SOX6: variants seen among roughly 807,000 people sequenced by gnomAD.
The protein encoded by SOX6 is SRY-box transcription factor 6.
Under a neutral mutation model 97.8 loss-of-function variants are expected in SOX6, and 11 were observed. The ratio of observed to expected loss-of-function variants is 0.11; its 90% CI spans 0.07 to 0.19. The LOEUF (loss-of-function observed/expected upper bound fraction) is 0.19. SOX6 is among the 10% of genes least tolerant of loss of function. SOX6 has a pLI of 1.00. For synonymous variants in SOX6, 360 were observed against 371.4 expected (o/e 0.97, Z 0.35); for missense variants, 810 against 1,039.5 (o/e 0.78, Z 3.04).
chr11:16,032,424 A>G (rs1474185106), intron 12 of SOX6, among the ~76,000 whole-genome samples: 2 of 152,220 alleles, frequency 1.3e-5, no homozygotes, highest in Non-Finnish European at 1.5e-5. Flanking sequence ...ATGCCTATAA[A>G]TTATGTTAAT....
rs114117173 is a variant in SOX6 at position 16,623,806 on chromosome 11, T to A, written n.430-11546A>T. Among the ~76,000 whole-genome samples the A allele has an allele frequency of 6.9e-3, 1,046 of 152,326 alleles. 15 individuals carry two copies. The highest frequency in any genetic ancestry group is 0.023 in the African/African-American group (952 of 41,570). On this transcript the variant is annotated intron_variant and non_coding_transcript_variant, in intron 3 of 5. Coordinates refer to the SOX6 transcript ENST00000524520. ...GCTTGCCAGTTATCCCAGCACCAAT[T>A]GTTGACTTGCCACCACTATCTATAT... is the stretch of plus-strand genomic sequence containing the variant.
At chr11:16,062,221 A>G (rs549568973) in intron 9 of SOX6, among the ~76,000 whole-genome samples, 1 of 151,740 alleles carries the variant, frequency 6.6e-6, no homozygotes, top group African/African-American at 2.4e-5. Context: ...CTAGTTATTA[A>G]CACAGATAGT....
chr11:16,290,208 G>C (rs1407536859), intron 3 of SOX6, among the ~76,000 whole-genome samples: 1 of 151,686 alleles, frequency 6.6e-6, no homozygotes, highest in East Asian at 1.9e-4. Flanking sequence ...AGCACAATAA[G>C]AGCACTAAAA....
At chr11:16,214,957 T>A (rs35547484) in intron 4 of SOX6, among the ~76,000 whole-genome samples, 31,074 of 151,904 alleles carry the variant, frequency 0.2, 3,832 homozygotes, top group Admixed American at 0.31. Context: ...ACCATGTTGA[T>A]CCGGCTGGCC....
rs1848327850 is a variant in SOX6 at position 16,605,805 on chromosome 11, T to A, written n.609+6276A>T. ...CGACCTCCCGCACCCAGAGCCTGGG[T>A]GACACTGAAGCGCTCCGAACACTGT... is the stretch of plus-strand genomic sequence containing the variant. On this transcript the variant is annotated intron_variant and non_coding_transcript_variant, in intron 4 of 5. Transcript: ENST00000524520. The surrounding 1 kb of genome is among the most constrained non-coding windows in gnomAD (Gnocchi z 5.3). 6.6e-6 allele frequency: 1 copy of A among 152,082 alleles called. No homozygotes were observed. The highest frequency in any genetic ancestry group is 1.5e-5 in the Non-Finnish European group (1 of 68,028). 9.4% of individuals were successfully genotyped at this position (152,082 alleles called of 1,614,324 possible).
At position 16,081,150 on chromosome 11, in the gene SOX6, A is replaced by C. The variant is rs1279677463; in HGVS notation, c.1101+14846T>G. Among the ~76,000 whole-genome samples, 3 of 152,116 alleles carry C rather than the reference A, an allele frequency of 2.0e-5. No individual in the cohort carries two copies. In the East Asian group the frequency reaches 5.8e-4, roughly 29 times the overall value. ...AGAATTCACACCAGTCCCTGCAATG[A>C]GGAAGCGTTTGGGCTAATGGAGTTT... On this transcript the variant is annotated intron_variant, in intron 9 of 15. Transcript: ENST00000683767.
chr11:16,325,121 G>A (rs297351), intron 2 of SOX6, among the ~76,000 whole-genome samples: 1 of 151,840 alleles, frequency 6.6e-6, no homozygotes, highest in African/African-American at 2.4e-5. Context: ...TGAAGTTCTC[G>A]ATATTTTGTA....
intron 4 of SOX6, among the ~76,000 whole-genome samples, chr11:16,599,975 G>A (rs535555141): frequency 2.6e-5 from 4 of 152,318 alleles, no homozygotes; most frequent in East Asian, 1.9e-4. Flanking sequence ...AAGCCATAAT[G>A]AGGGGGTAGC....
chr11:16,079,404 C>G (rs1359089350), intron 9 of SOX6, among the ~76,000 whole-genome samples: 1 of 152,066 alleles, frequency 6.6e-6, no homozygotes, highest in Non-Finnish European at 1.5e-5. Flanking sequence ...ACAAATATTA[C>G]TAGTTGGAAA....
intron 4 of SOX6, among the ~76,000 whole-genome samples, chr11:16,581,072 T>C (rs1204835535): frequency 6.6e-6 from 1 of 151,876 alleles, no homozygotes; most frequent in Non-Finnish European, 1.5e-5. Context: ...GAAATACCAT[T>C]TGACCCAACA....
At chr11:15,979,886 C>T (rs2119816200) in intron 15 of SOX6, among the ~76,000 whole-genome samples, 1 of 152,198 alleles carries the variant, frequency 6.6e-6, no homozygotes, top group East Asian at 1.9e-4. Flanking sequence ...AGGCACCTCT[C>T]ACTATTATTT....
At chr11:15,989,981 G>A (rs1323525094) in intron 13 of SOX6, among the ~76,000 whole-genome samples, 1 of 152,036 alleles carries the variant, frequency 6.6e-6, no homozygotes, top group Non-Finnish European at 1.5e-5. Context: ...TGTCTAAACC[G>A]AGTCTTCAAG....
At chr11:16,132,850 C>G (rs569327230) in intron 6 of SOX6, among the ~76,000 whole-genome samples, 1 of 152,278 alleles carries the variant, frequency 6.6e-6, no homozygotes, top group South Asian at 2.1e-4. Context: ...CTTCATCTCA[C>G]AAGCTGATCT....
intron 3 of SOX6, among the ~76,000 whole-genome samples, chr11:16,266,721 G>C (rs1005102791): frequency 1.3e-5 from 2 of 151,504 alleles, no homozygotes; most frequent in Non-Finnish European, 3.0e-5. Context: ...AAGGTGGACT[G>C]TAAGTTGAAG....
chr11:16,623,936 C>T lies in SOX6; in HGVS notation n.430-11676G>A, dbSNP rs549850272. Among the ~76,000 whole-genome samples, 5 of 152,208 alleles carry T rather than the reference C, an allele frequency of 3.3e-5. No individual in the cohort carries two copies. In the South Asian group the frequency reaches 1.0e-3, roughly 32 times the overall value. On this transcript the variant is annotated intron_variant and non_coding_transcript_variant, in intron 3 of 5. Coordinates refer to the SOX6 transcript ENST00000524520. ...ATATAAACCCAAACTATCAAGATAT[C>T]GAAGATTTCCATCATCCCAAAAAGA...
intron 4 of SOX6, among the ~76,000 whole-genome samples, chr11:16,192,101 G>A (rs181751622): frequency 5.9e-5 from 9 of 152,246 alleles, no homozygotes; most frequent in East Asian, 3.9e-4. Context: ...AGCCAGGGAC[G>A]CTGGAAGAGA....
intron 1 of SOX6, among the ~76,000 whole-genome samples, chr11:16,372,996 A>AT (rs1235598220): frequency 6.6e-6 from 1 of 152,060 alleles, no homozygotes; most frequent in Admixed American, 6.6e-5. Context: ...TGATATAACC[A>AT]TTTTTTTCGC....
intron 4 of SOX6, among the ~76,000 whole-genome samples, chr11:16,497,702 G>C (rs1250472058): frequency 6.6e-6 from 1 of 151,700 alleles, no homozygotes; most frequent in Non-Finnish European, 1.5e-5. Flanking sequence ...TGATCAACTG[G>C]AAGAAAGGGA....
At position 16,000,743 on chromosome 11, in the gene SOX6, T is replaced by C. The variant is rs778084258; in HGVS notation, c.1733-11513A>G. Among the ~76,000 whole-genome samples the C allele has an allele frequency of 5.2e-4, 77 of 148,490 alleles. No homozygotes were observed. In the South Asian group the frequency reaches 7.6e-3, roughly 15 times the overall value. On this transcript the variant is annotated intron_variant, in intron 13 of 15. Coordinates refer to ENST00000683767, the MANE Select transcript of SOX6 (RefSeq NM_001367873.1). ...GTGTGTGTGTGTGCGCGCGTGCGCGTGTGTGTGTGTGAGAGACAGAGACAT... is the reference window on the plus strand; with the variant it reads ...GTGTGTGTGTGTGCGCGCGTGCGCGCGTGTGTGTGTGAGAGACAGAGACAT...
Sources: allele counts gnomAD v4.1 joint callset (sites outside exome capture counted in the v4.1 genomes callset), GRCh38; gene constraint gnomAD v4.1.1; non-coding constraint Gnocchi (gnomAD v3.1); transcripts MANE v1.5; gene names NCBI Gene and HGNC (gene_info 2026-07-23, HGNC 2026-07-21).